SDK1: variants seen among roughly 807,000 people sequenced by gnomAD.
SDK1 encodes the protein protein sidekick-1.
Under a neutral mutation model 245.5 loss-of-function variants are expected in SDK1, and 157 were observed. The observed-to-expected ratio is 0.64, with a 90% CI of 0.56 to 0.73. The LOEUF is 0.73. SDK1 is among the 30% of genes least tolerant of loss of function. The pLI is 0.00. For missense variants in SDK1, 3,583 were observed against 3,002.3 expected (o/e 1.19, Z -4.52); for synonymous variants, 1,647 against 1,278.5 (o/e 1.29, Z -6.15).
chr7:3,535,165 A>G (rs1342298746), intron 1 of SDK1, among the ~76,000 whole-genome samples: 1 of 152,142 alleles, frequency 6.6e-6, no homozygotes, highest in Admixed American at 6.5e-5. Context: ...AATCCCAGCT[A>G]CTCAGGAGAC....
At chr7:4,016,952 G>C (rs1022819669) in intron 16 of SDK1, among the ~76,000 whole-genome samples, 2 of 152,186 alleles carry the variant, frequency 1.3e-5, no homozygotes, top group African/African-American at 4.8e-5. Context: ...TAGTTGAAAT[G>C]TCAGTTCCAT....
chr7:3,870,762 G>A (rs2115133159), intron 5 of SDK1, among the ~76,000 whole-genome samples: 1 of 152,218 alleles, frequency 6.6e-6, no homozygotes, highest in East Asian at 1.9e-4. Flanking sequence ...CAGAGTTTAT[G>A]TAGATTTTAC....
intron 5 of SDK1, among the ~76,000 whole-genome samples, chr7:3,830,126 G>A (rs1281468961): frequency 2.0e-5 from 3 of 152,110 alleles, no homozygotes; most frequent in African/African-American, 7.2e-5. Context: ...TATTGACATC[G>A]AACTGTTGTG....
At chr7:4,181,187 C>T (rs903705235) in intron 35 of SDK1, among the ~76,000 whole-genome samples, 21 of 152,240 alleles carry the variant, frequency 1.4e-4, no homozygotes, top group Admixed American at 3.9e-4. Context: ...CAAATGGAGT[C>T]GTGCAGTGCT....
chr7:3,999,193 A>G (rs1784893424), intron 14 of SDK1, among the ~76,000 whole-genome samples: 1 of 152,174 alleles, frequency 6.6e-6, no homozygotes, highest in East Asian at 1.9e-4. Flanking sequence ...CTCATGTGAA[A>G]TGAGCCATCG....
At chr7:4,042,910 G>T (rs1011008138) in intron 17 of SDK1, among the ~76,000 whole-genome samples, 50 of 152,204 alleles carry the variant, frequency 3.3e-4, no homozygotes, top group African/African-American at 1.2e-3. Flanking sequence ...CATTTCTGAT[G>T]GCGGTAATCA....
At chr7:4,227,188 C>G in intron 40 of SDK1, 1 of 313,160 alleles carries the variant, frequency 3.2e-6, no homozygotes, top group East Asian at 8.4e-5. Context: ...ATAGAAGTTC[C>G]AAGTCAGCAG....
intron 40 of SDK1, among the ~76,000 whole-genome samples, chr7:4,227,970 T>C (rs777012964): frequency 1.6e-4 from 24 of 152,218 alleles, no homozygotes; most frequent in Non-Finnish European, 3.4e-4. Context: ...AACCTATTTA[T>C]ACAGAAAAGA....
chr7:4,012,785 G>A (rs1417535156), intron 16 of SDK1, among the ~76,000 whole-genome samples: 2 of 151,756 alleles, frequency 1.3e-5, no homozygotes, highest in African/African-American at 4.8e-5. Context: ...TGGTGACCAA[G>A]CTGGTCTCAA....
At chr7:3,383,877 T>C (rs558284063) in intron 1 of SDK1, among the ~76,000 whole-genome samples, 2 of 152,332 alleles carry the variant, frequency 1.3e-5, no homozygotes, top group East Asian at 3.9e-4. Flanking sequence ...ATTTTCTCTT[T>C]AGAGAAACGT....
At chr7:3,572,059 G>C (rs1272012036) in intron 1 of SDK1, among the ~76,000 whole-genome samples, 1 of 152,036 alleles carries the variant, frequency 6.6e-6, no homozygotes, top group Non-Finnish European at 1.5e-5. Flanking sequence ...AACAGTCAGT[G>C]AAAGGACACC....
At chr7:3,752,903 A>C (rs1238090530) in intron 4 of SDK1, among the ~76,000 whole-genome samples, 2 of 152,218 alleles carry the variant, frequency 1.3e-5, no homozygotes, top group African/African-American at 2.4e-5. Flanking sequence ...ATAAATGTAT[A>C]ATAAGTATGT....
At chr7:3,616,125 A>T (rs567947917) in intron 1 of SDK1, among the ~76,000 whole-genome samples, 1 of 152,144 alleles carries the variant, frequency 6.6e-6, no homozygotes, top group Admixed American at 6.6e-5. Context: ...AGCTCAAGCA[A>T]TCCTTCCGCC....
At chr7:4,189,098 T>G (rs1208422056) in intron 35 of SDK1, among the ~76,000 whole-genome samples, 1 of 152,222 alleles carries the variant, frequency 6.6e-6, no homozygotes, top group Admixed American at 6.5e-5. Context: ...GGAAACGTAT[T>G]AAATAGTAAA....
chr7:3,666,658 C>T (rs532248039), intron 4 of SDK1, among the ~76,000 whole-genome samples: 8 of 151,964 alleles, frequency 5.3e-5, no homozygotes, highest in Admixed American at 3.3e-4. Context: ...CCTTGTGCGT[C>T]GTTGGCGATT....
At chr7:3,755,676 C>A (rs1779901903) in intron 4 of SDK1, among the ~76,000 whole-genome samples, 1 of 152,140 alleles carries the variant, frequency 6.6e-6, no homozygotes, top group African/African-American at 2.4e-5. Flanking sequence ...TCCTTCCCCC[C>A]AACCCCTCAC....
At chr7:4,190,833 G>C (rs1456266571) in intron 35 of SDK1, among the ~76,000 whole-genome samples, 2 of 152,226 alleles carry the variant, frequency 1.3e-5, no homozygotes, top group African/African-American at 4.8e-5. Context: ...GAGCTGTGGT[G>C]CCCCTAGGCA....
intron 40 of SDK1, among the ~76,000 whole-genome samples, chr7:4,225,275 C>T (rs1228062412): frequency 2.6e-5 from 4 of 152,114 alleles, no homozygotes; most frequent in African/African-American, 9.7e-5. Context: ...TTTCTTACAA[C>T]CGCTTGGGAC....
At chr7:3,468,134 G>C (rs769188343) in intron 1 of SDK1, among the ~76,000 whole-genome samples, 3 of 152,116 alleles carry the variant, frequency 2.0e-5, no homozygotes, top group Non-Finnish European at 2.9e-5. Flanking sequence ...GTTGTGAAAA[G>C]TTCAGAGATA....
Sources: allele counts gnomAD v4.1 joint callset (sites outside exome capture counted in the v4.1 genomes callset), GRCh38; gene constraint gnomAD v4.1.1; transcripts MANE v1.5; gene names NCBI Gene and HGNC (gene_info 2026-07-23, HGNC 2026-07-21).